The following LPP variants were observed in gnomAD, a reference collection of about 807,000 sequenced individuals.
LPP encodes the protein lipoma-preferred partner.
In LPP, 38 loss-of-function variants were observed where a neutral mutation model predicts 60.4. The observed-to-expected ratio is 0.63, with a 90% confidence interval of 0.49 to 0.83. The LOEUF is 0.83. LPP is among the 40% of genes least tolerant of loss of function. The pLI, the probability that LPP is intolerant of heterozygous loss-of-function variation, is 0.00. For synonymous variants in LPP, 328 were observed against 290.8 expected, an observed-to-expected ratio of 1.13 and a Z score of -1.30; for missense variants, 902 against 783.6, an observed-to-expected ratio of 1.15 and a Z score of -1.80.
chr3:188,416,965 A>G (rs185272273), intron 4 of LPP, among the ~76,000 whole-genome samples: 1 of 152,300 alleles, frequency 6.6e-6, no homozygotes, highest in African/African-American at 2.4e-5. Flanking sequence ...AATATACCAT[A>G]TAAAGAAATC....
intron 2 of LPP, among the ~76,000 whole-genome samples, chr3:188,291,251 A>C (rs142311228): frequency 1.9e-3 from 285 of 152,222 alleles, no homozygotes; most frequent in African/African-American, 6.5e-3. Context: ...ACTTCCTGGA[A>C]TTGGTAGTGT....
At chr3:188,323,746 C>G (rs1188094547) in intron 2 of LPP, among the ~76,000 whole-genome samples, 1 of 152,166 alleles carries the variant, frequency 6.6e-6, no homozygotes, top group Admixed American at 6.5e-5. Flanking sequence ...GAAATTTAGT[C>G]AGATTAAAAG....
rs534288254 is a variant in LPP at position 188,352,700 on chromosome 3, C to A, written c.-10+10981C>A. ...CTTGTTTCCCTGCTTGTTGATGTTC[C>A]AGCTGCATGCACGGCACTGAGCCCT... On this transcript the variant is annotated intron_variant, in intron 3 of 11. Transcript: ENST00000617246. The surrounding 1 kb of genome is among the most constrained non-coding windows in gnomAD (Gnocchi z 4.4). 6.0e-5 allele frequency among the ~76,000 whole-genome samples: 1 copy of A among 16,562 alleles called. No individual in the cohort carries two copies. Among genetic ancestry groups the A allele is most frequent in the Non-Finnish European group, 1.8e-4 (1 of 5,688 alleles). 10.9% of individuals were successfully genotyped at this position (16,562 alleles called of 152,430 possible).
intron 6 of LPP, among the ~76,000 whole-genome samples, chr3:188,600,785 A>G (rs1209943516): frequency 6.6e-6 from 1 of 152,026 alleles, no homozygotes; most frequent in African/African-American, 2.4e-5. Flanking sequence ...GGGGCCTCCT[A>G]TATGTAGAAC....
At chr3:188,307,567 A>G (rs1751932968) in intron 2 of LPP, among the ~76,000 whole-genome samples, 1 of 152,164 alleles carries the variant, frequency 6.6e-6, no homozygotes, top group Non-Finnish European at 1.5e-5. Context: ...TGAATTTTCT[A>G]CTTTTACCAC....
chr3:188,381,931 C>T (rs923222475), intron 3 of LPP, among the ~76,000 whole-genome samples: 4 of 150,360 alleles, frequency 2.7e-5, no homozygotes, highest in African/African-American at 5.0e-5. Context: ...ACAGGTGTGA[C>T]CCGATACACC....
At chr3:188,853,238 A>G (rs1763083886) in intron 9 of LPP, among the ~76,000 whole-genome samples, 1 of 152,172 alleles carries the variant, frequency 6.6e-6, no homozygotes, top group Non-Finnish European at 1.5e-5. Context: ...TTCTCCCAAG[A>G]CCTCACCTCT....
chr3:188,872,760 C>T lies in LPP; in HGVS notation c.1707C>T (p.Cys569=), dbSNP rs776169572. 62 of 1,613,808 alleles carry T rather than the reference C, an allele frequency of 3.8e-5. 1 individual carries two copies. Among genetic ancestry groups the T allele is most frequent in the Non-Finnish European group, 5.0e-5 (59 of 1,179,946 alleles). The change falls in exon 11 of 12, where the codon TGC becomes TGT. Residue 569 remains cysteine, a synonymous_variant. Coordinates refer to ENST00000617246, the MANE Select transcript of LPP (RefSeq NM_001375462.1). ...DRDFHVHCYR[C]EDCGGLLSEG... ...ATTTCCATGTTCACTGCTACCGATG[C>T]GAGGTCTGGTTGACAGCCCTGCCCT...
chr3:188,479,334 C>T (rs1391294105), intron 4 of LPP, among the ~76,000 whole-genome samples: 1 of 152,156 alleles, frequency 6.6e-6, no homozygotes, highest in Non-Finnish European at 1.5e-5. Context: ...CATGTCACTG[C>T]CAGTGCAGCC....
At chr3:188,366,101 T>C (rs1771082212) in intron 3 of LPP, among the ~76,000 whole-genome samples, 2 of 152,228 alleles carry the variant, frequency 1.3e-5, no homozygotes, top group African/African-American at 4.8e-5. Flanking sequence ...TGTTTGACTT[T>C]TTTAATTTGC....
Position 188,609,101 on chromosome 3 carries a change from TGA to T in LPP, c.430-58_430-57del, listed in dbSNP as rs1171539808. ...ATATTTTTCATTTATTCATTTTTAT[TGA>T]GTTTCGTTGGCAGTAATTTTTGCTT... On this transcript the variant is annotated intron_variant, in intron 6 of 11. Transcript: ENST00000617246. The surrounding 1 kb of genome is among the most constrained non-coding windows in gnomAD (Gnocchi z 6.9). 2.5e-6 allele frequency: 3 copies of T among 1,204,984 alleles called. No individual in the cohort carries two copies. Among genetic ancestry groups the T allele is most frequent in the African/African-American group, 3.1e-5 (2 of 64,766 alleles). The allele number at this position is 1,204,984 out of a possible 1,614,324, so 74.6% of individuals were successfully genotyped here.
intron 2 of LPP, among the ~76,000 whole-genome samples, chr3:188,310,862 A>G (rs1753178929): frequency 1.3e-5 from 2 of 152,164 alleles, no homozygotes; most frequent in South Asian, 4.1e-4. Flanking sequence ...TCCTTATAGT[A>G]AAGAGAGCCA....
chr3:188,731,652 A>G (rs1003955694), intron 8 of LPP, among the ~76,000 whole-genome samples: 1 of 151,616 alleles, frequency 6.6e-6, no homozygotes, highest in African/African-American at 2.4e-5. Flanking sequence ...CCTTCAGAGT[A>G]GCTGGGACTA....
intron 8 of LPP, chr3:188,758,670 T>C (rs540509825): frequency 5.9e-5 from 9 of 152,284 alleles, no homozygotes; most frequent in South Asian, 2.1e-4. Flanking sequence ...GTCAATCCAA[T>C]GTGATGGAGT....
chr3:188,170,466 G>A (rs1721277965), intron 1 of LPP, among the ~76,000 whole-genome samples: 1 of 151,872 alleles, frequency 6.6e-6, no homozygotes, highest in Non-Finnish European at 1.5e-5. Context: ...GAGTAGCTGG[G>A]ATTACAGGTG....
At chr3:188,324,745 T>C (rs1159905464) in intron 2 of LPP, among the ~76,000 whole-genome samples, 3 of 152,116 alleles carry the variant, frequency 2.0e-5, no homozygotes, top group Admixed American at 6.5e-5. Context: ...AGATCTAAAA[T>C]TGTTGGTCAG....
In LPP at chr3:188,816,788, A is replaced by G. The variant is rs116604756; in HGVS notation, c.1411-49412A>G. ...GGAACCCAAGACCAAGTTTTATGAA[A>G]TAACTAATCTTGTCTTCCTAAATAC... On this transcript the variant is annotated intron_variant, in intron 9 of 11. Transcript: ENST00000617246. 4.4e-3 allele frequency among the ~76,000 whole-genome samples: 674 copies of G among 152,360 alleles called. 11 individuals carry two copies. The highest frequency in any genetic ancestry group is 0.015 in the African/African-American group (607 of 41,586).
At chr3:188,267,544 C>T (rs763799977) in intron 2 of LPP, among the ~76,000 whole-genome samples, 22 of 152,180 alleles carry the variant, frequency 1.4e-4, no homozygotes, top group Non-Finnish European at 2.6e-4. Flanking sequence ...GGCTTCTAGC[C>T]AGGGCCGAGT....
At chr3:188,192,253 G>C (rs1389846589) in intron 1 of LPP, among the ~76,000 whole-genome samples, 1 of 152,168 alleles carries the variant, frequency 6.6e-6, no homozygotes, top group African/African-American at 2.4e-5. Context: ...AGATGAATAG[G>C]AGTTTGGTAA....
Sources: gnomAD v4.1 joint callset for allele counts (sites outside exome capture counted in the v4.1 genomes callset) on GRCh38, gnomAD v4.1.1 for gene constraint, Gnocchi (gnomAD v3.1) non-coding constraint, MANE v1.5 for transcripts, NCBI Gene and HGNC (gene_info 2026-07-23, HGNC 2026-07-21) for gene names.